Variants in CLPB observed in about 807,000 individuals in gnomAD.
CLPB encodes the protein ClpB family mitochondrial disaggregase.
In CLPB, 40 loss-of-function variants were observed where a neutral mutation model predicts 78.4. That is an observed-to-expected ratio of 0.51 (90% CI 0.40 to 0.66). The LOEUF is 0.66. CLPB is among the 30% of genes least tolerant of loss of function. The probability of loss-of-function intolerance (pLI) is 0.00; values close to 1 mark genes in which losing one functional copy is unlikely to be tolerated. For missense variants in CLPB, 780 were observed against 886.9 expected (o/e 0.88, Z 1.53); for synonymous variants, 333 against 348.0 (o/e 0.96, Z 0.48).
intron 3 of CLPB, among the ~76,000 whole-genome samples, chr11:72,393,215 T>C (rs945930943): frequency 6.6e-6 from 1 of 152,190 alleles, no homozygotes; most frequent in African/African-American, 2.4e-5. Flanking sequence ...TCATAATATA[T>C]GGTCACCAAA....
Position 72,294,618 on chromosome 11 carries a change from A to C in CLPB, c.1560+2T>G. On this transcript the variant is annotated splice_donor_variant, in intron 13 of 15. Coordinates refer to ENST00000538039, the MANE Select transcript of CLPB (RefSeq NM_001258392.3). LOFTEE classifies it high-confidence loss of function. The stretch of plus-strand genomic sequence containing the variant: ...CAGGAAGTGCCAAGAAAGACCTCTT[A>C]CTTTCAGGATAGGGCGAATCACATT... 1 of 1,613,610 alleles carries C rather than the reference A, an allele frequency of 6.2e-7. No homozygotes were observed. The highest frequency in any genetic ancestry group is 8.5e-7 in the Non-Finnish European group (1 of 1,179,482).
intron 1 of CLPB, among the ~76,000 whole-genome samples, chr11:72,433,757 T>C (rs1293167189): frequency 6.6e-6 from 1 of 151,834 alleles, no homozygotes; most frequent in East Asian, 1.9e-4. Flanking sequence ...GAAAGAGGAA[T>C]TGGACCAGGC....
At chr11:72,363,048 C>T (rs948890650) in intron 4 of CLPB, among the ~76,000 whole-genome samples, 2 of 151,896 alleles carry the variant, frequency 1.3e-5, no homozygotes, top group Non-Finnish European at 2.9e-5. Flanking sequence ...CCCAGCTACT[C>T]GGGAGGCTGA....
At chr11:72,335,168 G>A (rs1443570426) in intron 5 of CLPB, among the ~76,000 whole-genome samples, 1 of 152,174 alleles carries the variant, frequency 6.6e-6, no homozygotes, top group Non-Finnish European at 1.5e-5. Flanking sequence ...GCTGATTGGT[G>A]CCACTATGGC....
intron 3 of CLPB, among the ~76,000 whole-genome samples, chr11:72,400,069 C>A (rs1462751819): frequency 6.6e-6 from 1 of 152,144 alleles, no homozygotes; most frequent in East Asian, 1.9e-4. Context: ...AAATAGTTTA[C>A]GCATCCATTA....
At chr11:72,295,085 G>A (rs552797428) in intron 12 of CLPB, among the ~76,000 whole-genome samples, 43 of 152,312 alleles carry the variant, frequency 2.8e-4, no homozygotes, top group African/African-American at 9.1e-4. Context: ...GCCCACCTAC[G>A]CAGGAAGCTG....
intron 3 of CLPB, among the ~76,000 whole-genome samples, chr11:72,391,896 C>A (rs1855263788): frequency 6.6e-6 from 1 of 152,164 alleles, no homozygotes; most frequent in Non-Finnish European, 1.5e-5. Flanking sequence ...CTCACACTGA[C>A]CTTGATGAGC....
chr11:72,328,004 G>C (rs1431919081), intron 6 of CLPB, among the ~76,000 whole-genome samples: 2 of 152,158 alleles, frequency 1.3e-5, no homozygotes, highest in Non-Finnish European at 2.9e-5. Flanking sequence ...GGTTCATGTT[G>C]ATTACCAAAT....
rs753031531 is a variant in CLPB, at chr11:72,312,180, A to G, written c.989-3576T>C. 1.1e-4 allele frequency among the ~76,000 whole-genome samples: 16 copies of G among 152,252 alleles called. No homozygotes were observed. The highest frequency in any genetic ancestry group is 1.3e-4 in the Non-Finnish European group (9 of 68,042). ...TGGGAACAGTCACATATACTGTGTC[A>G]GCCCCACATGCAGATTAAACAAGTT... On this transcript the variant is annotated intron_variant, in intron 7 of 15. Transcript: ENST00000538039. This position sits in a 1 kb window ranked among gnomAD's most constrained non-coding sequence, Gnocchi z 4.2.
chr11:72,429,706 AC>A (rs1856490320), intron 2 of CLPB, among the ~76,000 whole-genome samples: 1 of 152,290 alleles, frequency 6.6e-6, no homozygotes, highest in East Asian at 1.9e-4. Flanking sequence ...TCTGCCCTAT[AC>A]CTGGCACTGG....
chr11:72,334,057 AG>A (rs1182873632), intron 5 of CLPB, among the ~76,000 whole-genome samples: 3 of 152,116 alleles, frequency 2.0e-5, no homozygotes, highest in African/African-American at 7.2e-5. Context: ...AGAGAAGAGG[AG>A]GGGCAAGAGG....
intron 3 of CLPB, among the ~76,000 whole-genome samples, chr11:72,381,434 A>G (rs1026136087): frequency 2.0e-5 from 3 of 151,844 alleles, no homozygotes; most frequent in East Asian, 3.9e-4. Context: ...TAGCAGCCCG[A>G]CTCTGGCCCT....
intron 7 of CLPB, among the ~76,000 whole-genome samples, chr11:72,315,518 C>T (rs143329433): frequency 1.4e-4 from 21 of 152,332 alleles, no homozygotes; most frequent in Non-Finnish European, 2.8e-4. Context: ...GCTTTATCTC[C>T]TCCGTTTGTA....
At chr11:72,314,127 G>A (rs955618015) in intron 7 of CLPB, among the ~76,000 whole-genome samples, 17 of 152,182 alleles carry the variant, frequency 1.1e-4, no homozygotes, top group East Asian at 1.9e-4. Context: ...GTGGTGTGCC[G>A]TGGTGGCCAT....
At chr11:72,366,693 C>A (rs577994802) in intron 4 of CLPB, among the ~76,000 whole-genome samples, 1 of 151,976 alleles carries the variant, frequency 6.6e-6, no homozygotes, top group Non-Finnish European at 1.5e-5. Context: ...CAAATCAAAC[C>A]CACAATGAGA....
At chr11:72,398,124 C>T (rs1855461143) in intron 3 of CLPB, among the ~76,000 whole-genome samples, 1 of 152,256 alleles carries the variant, frequency 6.6e-6, no homozygotes, top group African/African-American at 2.4e-5. Flanking sequence ...AGTCGTCACA[C>T]TCCATTGCTG....
intron 6 of CLPB, among the ~76,000 whole-genome samples, chr11:72,317,567 T>C (rs1565434254): frequency 1.3e-5 from 2 of 152,158 alleles, no homozygotes; most frequent in African/African-American, 2.4e-5. Context: ...ATCAGCAAAT[T>C]GGGGATTAAA....
At chr11:72,391,514 G>A (rs1311383339) in intron 3 of CLPB, among the ~76,000 whole-genome samples, 1 of 152,204 alleles carries the variant, frequency 6.6e-6, no homozygotes, top group East Asian at 1.9e-4. Context: ...CTGGATCACA[G>A]ATGTTTTCTG....
intron 5 of CLPB, chr11:72,354,696 T>TA (rs546619285): frequency 6.0e-4 from 128 of 214,868 alleles, no homozygotes; most frequent in African/African-American, 2.8e-3. Context: ...TCTTCCAAGG[T>TA]AAAAAACATG....
Sources: gnomAD v4.1 joint callset for allele counts (sites outside exome capture counted in the v4.1 genomes callset) on GRCh38, gnomAD v4.1.1 for gene constraint, Gnocchi (gnomAD v3.1) non-coding constraint, MANE v1.5 for transcripts, NCBI Gene and HGNC (gene_info 2026-07-23, HGNC 2026-07-21) for gene names.